Variants in FAM177A1 observed in about 807,000 individuals in gnomAD.
FAM177A1 encodes protein FAM177A1.
FAM177A1 carries 22 observed loss-of-function variants against 26.1 expected under a neutral mutation model. The ratio of observed to expected loss-of-function variants is 0.84; its 90% CI spans 0.60 to 1.20. The LOEUF is 1.20. FAM177A1 is among the 50% of genes most tolerant of loss of function. The pLI, the probability that FAM177A1 is intolerant of heterozygous loss-of-function variation, is 0.00. For synonymous variants in FAM177A1, 95 were observed against 99.3 expected (o/e 0.96, Z 0.26); for missense variants, 296 against 291.1 (o/e 1.02, Z -0.12).
rs1295132845 is a variant in FAM177A1 at position 35,083,073 on chromosome 14, T to C, written c.*1845T>C. 1 of 152,488 alleles carries C rather than the reference T, an allele frequency of 6.6e-6. No homozygotes were observed. Among genetic ancestry groups the C allele is most frequent in the Non-Finnish European group, 1.5e-5 (1 of 68,038 alleles). 9.4% of individuals were successfully genotyped at this position (152,488 alleles called of 1,614,324 possible). A position where few individuals can be genotyped will look rare whatever the true frequency, so the allele number is the denominator to read the frequency against. On this transcript the variant is annotated 3_prime_UTR_variant, in exon 5 of 5. Coordinates refer to ENST00000280987, the MANE Select transcript of FAM177A1 (RefSeq NM_173607.5). ...AACCTGACCTTTTCCTTCTAATTTG[T>C]TTTTAACTTCATTCGAGATAGTACC... is the stretch of plus-strand genomic sequence containing the variant.
intron 4 of FAM177A1, 62 bp from the exon 5 acceptor site, chr14:35,080,960 G>A: frequency 2.1e-6 from 3 of 1,410,018 alleles, no homozygotes; most frequent in Non-Finnish European, 1.9e-6. Flanking sequence ...GGGGAAAACA[G>A]CACTATATAC....
rs193156388 is a variant in FAM177A1 at position 35,073,665 on chromosome 14, G to C, written c.340-3485G>C. 2.0e-5 allele frequency among the ~76,000 whole-genome samples: 3 copies of C among 152,346 alleles called. No homozygotes were observed. The East Asian group carries it at 5.8e-4, about 29-fold the overall frequency. On this transcript the variant is annotated intron_variant, in intron 2 of 4. Coordinates refer to ENST00000280987, the MANE Select transcript of FAM177A1 (RefSeq NM_173607.5). Reference sequence around the variant, plus strand: ...AAAGGGTTCTTGTTGTCTAGGCCTTGACAAGTACAGACAAAAGACTGGTAG... The same window carrying C: ...AAAGGGTTCTTGTTGTCTAGGCCTTCACAAGTACAGACAAAAGACTGGTAG...
chr14:35,068,090 A>G (rs1216384515), intron 2 of FAM177A1, among the ~76,000 whole-genome samples: 3 of 152,208 alleles, frequency 2.0e-5, no homozygotes, highest in Non-Finnish European at 2.9e-5. Flanking sequence ...AATCCAAAAA[A>G]GTATTGCCCA....
intron 2 of FAM177A1, among the ~76,000 whole-genome samples, chr14:35,061,229 G>C (rs931578089): frequency 5.3e-5 from 8 of 152,054 alleles, no homozygotes; most frequent in Non-Finnish European, 1.2e-4. Context: ...GACTTTTCTA[G>C]GTGTGTTGCA....
intron 1 of FAM177A1, chr14:35,050,145 T>TA (rs1297766975): frequency 3.9e-5 from 6 of 152,214 alleles, no homozygotes; most frequent in Non-Finnish European, 5.9e-5. Context: ...TAGCTGGGAT[T>TA]ATAGGCACGC....
chr14:35,071,773 A>C (rs995817354), intron 2 of FAM177A1, among the ~76,000 whole-genome samples: 6 of 152,172 alleles, frequency 3.9e-5, no homozygotes, highest in Admixed American at 1.3e-4. Context: ...TTTACAGTTG[A>C]ACCTTGAACA....
intron 2 of FAM177A1, among the ~76,000 whole-genome samples, chr14:35,073,644 G>T (rs187746239): frequency 6.6e-5 from 10 of 152,324 alleles, no homozygotes; most frequent in Non-Finnish European, 2.9e-5. Flanking sequence ...CCAGGAAAAG[G>T]GTTCTTGTTG....
chr14:35,053,634 G>A (rs1304850064), intron 2 of FAM177A1, among the ~76,000 whole-genome samples, 183 bp downstream of exon 2: 1 of 152,154 alleles, frequency 6.6e-6, no homozygotes, highest in African/African-American at 2.4e-5. Context: ...AATATTTCCA[G>A]CATTTCAGTA....
intron 2 of FAM177A1, among the ~76,000 whole-genome samples, chr14:35,064,900 C>T (rs1369648027): frequency 6.6e-6 from 1 of 152,164 alleles, no homozygotes; most frequent in African/African-American, 2.4e-5. Context: ...GATCCGCCCG[C>T]TTCAGCCTCC....
upstream of FAM177A1, among the ~76,000 whole-genome samples, chr14:35,045,350 C>A (rs2044844904): frequency 6.6e-6 from 1 of 152,092 alleles, no homozygotes; most frequent in South Asian, 2.1e-4. Flanking sequence ...TCCAGTTATA[C>A]ATAGAATAGG....
Position 35,082,222 on chromosome 14 carries a change from T to C in FAM177A1, c.*994T>C, listed in dbSNP as rs2045494651. On this transcript the variant is annotated 3_prime_UTR_variant, in exon 5 of 5. Transcript: ENST00000280987. ...TATTGTGAAGCTAATTTTGAAAATA[T>C]TCCTAAATATGGCCAGGTACGGTGC... The C allele has an allele frequency of 6.6e-6, 1 of 152,122 alleles. No individual in the cohort carries two copies. The highest frequency in any genetic ancestry group is 1.5e-5 in the Non-Finnish European group (1 of 68,014). The allele number at this position is 152,122 out of a possible 1,614,324, so 9.4% of individuals were successfully genotyped here.
intron 2 of FAM177A1, among the ~76,000 whole-genome samples, chr14:35,068,352 A>G (rs1160136061): frequency 6.6e-6 from 1 of 152,198 alleles, no homozygotes; most frequent in Non-Finnish European, 1.5e-5. Flanking sequence ...ACTAGGCATC[A>G]TGTGAAGTTT....
chr14:35,058,126 T>A (rs2045091027), intron 2 of FAM177A1, among the ~76,000 whole-genome samples: 1 of 152,042 alleles, frequency 6.6e-6, no homozygotes. Flanking sequence ...TAGGCTGGAG[T>A]GCAGTGACAC....
intron 1 of FAM177A1, among the ~76,000 whole-genome samples, chr14:35,047,805 T>C (rs2044897445): frequency 6.6e-6 from 1 of 152,056 alleles, no homozygotes; most frequent in South Asian, 2.1e-4. Flanking sequence ...CTTGAGTTGC[T>C]CATGTATGTA....
intron 2 of FAM177A1, among the ~76,000 whole-genome samples, chr14:35,070,350 G>C (rs905794271): frequency 6.8e-6 from 1 of 147,050 alleles, no homozygotes; most frequent in Admixed American, 6.9e-5. Flanking sequence ...TTTTCTTTGC[G>C]TCGGAGTCTC....
chr14:35,076,507 G>T (rs1566675536), intron 2 of FAM177A1, among the ~76,000 whole-genome samples: 1 of 151,874 alleles, frequency 6.6e-6, no homozygotes, highest in East Asian at 1.9e-4. Context: ...CGAGTTAATG[G>T]GTGCAGCACA....
At chr14:35,059,486 T>A (rs1214597549) in intron 2 of FAM177A1, among the ~76,000 whole-genome samples, 2 of 152,034 alleles carry the variant, frequency 1.3e-5, no homozygotes, top group Non-Finnish European at 2.9e-5. Context: ...TCTTTTCTAC[T>A]GTTATCTTTT....
At chr14:35,059,584 G>T (rs1366112271) in intron 2 of FAM177A1, among the ~76,000 whole-genome samples, 1 of 148,862 alleles carries the variant, frequency 6.7e-6, no homozygotes, top group Non-Finnish European at 1.5e-5. Flanking sequence ...CGCCAGGCTG[G>T]AGTGCAGTGG....
intron 2 of FAM177A1, among the ~76,000 whole-genome samples, chr14:35,057,879 T>C (rs2045086988): frequency 6.6e-6 from 1 of 152,084 alleles, no homozygotes; most frequent in South Asian, 2.1e-4. Flanking sequence ...TATTGACGTT[T>C]GTTTTATAGC....
Sources: allele counts gnomAD v4.1 joint callset (sites outside exome capture counted in the v4.1 genomes callset), GRCh38; gene constraint gnomAD v4.1.1; transcripts MANE v1.5; gene names NCBI Gene and HGNC (gene_info 2026-07-23, HGNC 2026-07-21).